SLC25A44: variants seen among roughly 807,000 people sequenced by gnomAD.
SLC25A44 encodes the protein solute carrier family 25 member 44.
Under a neutral mutation model 29.9 loss-of-function variants are expected in SLC25A44, and 17 were observed. The ratio of observed to expected loss-of-function variants is 0.57; its 90% CI spans 0.39 to 0.85. The LOEUF (loss-of-function observed/expected upper bound fraction) is 0.85. SLC25A44 is among the 40% of genes least tolerant of loss of function. The probability of loss-of-function intolerance (pLI) is 0.00; values close to 1 mark genes in which losing one functional copy is unlikely to be tolerated. For missense variants in SLC25A44, 302 were observed against 398.4 expected, an observed-to-expected ratio of 0.76 and a Z score of 2.06; for synonymous variants, 140 against 151.8, an observed-to-expected ratio of 0.92 and a Z score of 0.57.
In SLC25A44 at chr1:156,200,325, G is replaced by A. The variant is rs1320132000; in HGVS notation, c.478G>A (p.Val160Ile). 1 of 1,614,166 alleles carries A rather than the reference G, an allele frequency of 6.2e-7. No individual in the cohort carries two copies. The highest frequency in any genetic ancestry group is 8.5e-7 in the Non-Finnish European group (1 of 1,180,052). The change falls in exon 2 of 4, where the codon GTA becomes ATA. Residue 160 changes from valine to isoleucine, a missense_variant. By Grantham distance (29) the Val-to-Ile change is conservative. Transcript: ENST00000359511. ...QVRGNPEGQG[V>I]VAFGQTKDII... ...GCGGGGGAACCCAGAGGGACAAGGG[G>A]TAGTTGCCTTTGGCCAAACCAAGGA...
chr1:156,194,987 T>C (rs1656113338), intron 1 of SLC25A44, among the ~76,000 whole-genome samples: 1 of 152,226 alleles, frequency 6.6e-6, no homozygotes, highest in Non-Finnish European at 1.5e-5. Flanking sequence ...GTGGACCACC[T>C]TGGGTGGCAA....
At chr1:156,194,580 A>C (rs771603666) in intron 1 of SLC25A44, among the ~76,000 whole-genome samples, 4 of 152,144 alleles carry the variant, frequency 2.6e-5, no homozygotes, top group Admixed American at 6.5e-5. Context: ...TGGAAGACCA[A>C]AGGAAAGCTG....
chr1:156,194,522 A>G (rs571195686), intron 1 of SLC25A44, among the ~76,000 whole-genome samples: 2 of 152,218 alleles, frequency 1.3e-5, no homozygotes, highest in South Asian at 4.2e-4. Flanking sequence ...GAGTATCTTG[A>G]GAGGATTGTC....
intron 1 of SLC25A44, chr1:156,196,109 G>C (rs1029305563): frequency 6.6e-6 from 1 of 152,274 alleles, no homozygotes; most frequent in African/African-American, 2.4e-5. Context: ...GTCTGAGAAA[G>C]AGCCCTAAAG....
rs138686223 is a variant in SLC25A44, at chr1:156,194,146, G to C, written c.-115G>C. The C allele has an allele frequency of 6.5e-6, 1 of 152,976 alleles. No individual in the cohort carries two copies. Among genetic ancestry groups the C allele is most frequent in the Non-Finnish European group, 1.5e-5 (1 of 68,072 alleles). 9.5% of individuals were successfully genotyped at this position (152,976 alleles called of 1,614,324 possible). On this transcript the variant is annotated 5_prime_UTR_variant, in exon 1 of 4. Coordinates refer to ENST00000359511, the MANE Select transcript of SLC25A44 (RefSeq NM_014655.4). ...GAGATGGAGGAAGATGCGACCGGCA[G>C]ACGGCATTCGCTGGGAACGACGGAT...
chr1:156,210,471 C>G lies in SLC25A44; in HGVS notation c.*40C>G, dbSNP rs376027081. The G allele has an allele frequency of 6.8e-7, 1 of 1,473,980 alleles. No individual in the cohort carries two copies. The highest frequency in any genetic ancestry group is 9.2e-7 in the Non-Finnish European group (1 of 1,092,280). The allele number at this position is 1,473,980 out of a possible 1,614,324, so 91.3% of individuals were successfully genotyped here. A position where few individuals can be genotyped will look rare whatever the true frequency, so the allele number is the denominator to read the frequency against. On this transcript the variant is annotated 3_prime_UTR_variant, in exon 4 of 4. Coordinates refer to ENST00000359511, the MANE Select transcript of SLC25A44 (RefSeq NM_014655.4). Reference sequence around the variant, plus strand: ...AGAAGCCTGCTGTTTTCCACACTACCGTGGGTCAGGGGCAGAGTGGAGAGG... The same window carrying G: ...AGAAGCCTGCTGTTTTCCACACTACGGTGGGTCAGGGGCAGAGTGGAGAGG...
Position 156,211,363 on chromosome 1 carries a change from G to C in SLC25A44, c.*932G>C, listed in dbSNP as rs926234168. The C allele has an allele frequency of 1.7e-4, 26 of 152,696 alleles. No homozygotes were observed. The highest frequency in any genetic ancestry group is 6.3e-4 in the African/African-American group (26 of 41,424). 9.5% of individuals were successfully genotyped at this position (152,696 alleles called of 1,614,324 possible). A position where few individuals can be genotyped will look rare whatever the true frequency, so the allele number is the denominator to read the frequency against. Reference sequence around the variant, plus strand: ...TTGGAGCACTACCTTGAGAAGTCAGGTTGAGAAAGTAGTTGATCTAGAAGG... The same window carrying C: ...TTGGAGCACTACCTTGAGAAGTCAGCTTGAGAAAGTAGTTGATCTAGAAGG... On this transcript the variant is annotated 3_prime_UTR_variant, in exon 4 of 4. Transcript: ENST00000359511.
intron 2 of SLC25A44, among the ~76,000 whole-genome samples, chr1:156,205,342 G>A (rs559642616): frequency 9.2e-5 from 14 of 152,014 alleles, no homozygotes; most frequent in Non-Finnish European, 1.3e-4. Context: ...ACGCCTGGCC[G>A]AGGAAAAAAT....
chr1:156,212,705 A>C lies in SLC25A44; in HGVS notation c.*2274A>C, dbSNP rs565300609. On this transcript the variant is annotated 3_prime_UTR_variant, in exon 4 of 4. Coordinates refer to ENST00000359511, the MANE Select transcript of SLC25A44 (RefSeq NM_014655.4). Reference sequence around the variant, plus strand: ...GGCAGACTCTCTGAACGTTTGATGAAATGGACTCTTGTGAAAATTAACAGT... The same window carrying C: ...GGCAGACTCTCTGAACGTTTGATGACATGGACTCTTGTGAAAATTAACAGT... The C allele has an allele frequency of 1.4e-3, 379 of 263,462 alleles. 10 individuals are homozygous for C. The South Asian group carries it at 0.021, about 14-fold the overall frequency. The allele number at this position is 263,462 out of a possible 1,614,324, so 16.3% of individuals were successfully genotyped here. A position where few individuals can be genotyped will look rare whatever the true frequency, so the allele number is the denominator to read the frequency against.
chr1:156,210,208 A>C (rs1657205042), intron 3 of SLC25A44, 32 bp from the exon 4 acceptor site: 1 of 1,479,780 alleles, frequency 6.8e-7, no homozygotes, highest in Non-Finnish European at 9.1e-7. Context: ...CTGACTACAG[A>C]CAATGGCCCT....
At chr1:156,199,776 G>A in intron 1 of SLC25A44, 59 bp from the exon 2 acceptor site, 1 of 1,472,388 alleles carries the variant, frequency 6.8e-7, no homozygotes, top group Non-Finnish European at 9.2e-7. Flanking sequence ...CAGCCAGAAG[G>A]GGAAAGCACA....
In SLC25A44 at chr1:156,210,276, C is replaced by G; in HGVS notation, c.790C>G (p.Gln264Glu). The change falls in exon 4 of 4, where the codon CAG (glutamine) becomes GAG (glutamate). Residue 264 changes from glutamine (Q) to glutamate (E), a missense_variant. Gln to Glu is a conservative substitution (Grantham distance 29, BLOSUM62 2). Coordinates refer to ENST00000359511, the MANE Select transcript of SLC25A44 (RefSeq NM_014655.4). The stretch of plus-strand genomic sequence containing the variant: ...GAACTCCATCATCCTGACCTTCAGA[C>G]AGCTGATGGCAGAAGAAGGGCCTTG... ...GKNSIILTFR[Q>E]LMAEEGPWGL... is the part of the protein sequence containing the mutation. 1.3e-6 allele frequency: 2 copies of G among 1,585,282 alleles called. No homozygotes were observed. The highest frequency in any genetic ancestry group is 1.7e-6 in the Non-Finnish European group (2 of 1,166,600).
chr1:156,207,356 T>G (rs2540182), intron 2 of SLC25A44, among the ~76,000 whole-genome samples: 1 of 151,946 alleles, frequency 6.6e-6, no homozygotes, highest in Non-Finnish European at 1.5e-5. Context: ...TTTCTTTGTA[T>G]TTTTAGTAGA....
At chr1:156,200,522 G>A in intron 2 of SLC25A44, 50 bp downstream of exon 2, 1 of 1,505,796 alleles carries the variant, frequency 6.6e-7, no homozygotes, top group Non-Finnish European at 9.0e-7. Flanking sequence ...TTCTAATGGG[G>A]CTGAGATACT....
intron 1 of SLC25A44, among the ~76,000 whole-genome samples, chr1:156,195,347 C>T (rs1656144673): frequency 6.6e-6 from 1 of 152,072 alleles, no homozygotes; most frequent in African/African-American, 2.4e-5. Context: ...TCGTGGTCCG[C>T]CCGCCTCGGC....
At chr1:156,199,375 A>T (rs1656403846) in intron 1 of SLC25A44, 1 of 168,500 alleles carries the variant, frequency 5.9e-6, no homozygotes, top group Admixed American at 5.6e-5. Flanking sequence ...TGTCCCATTC[A>T]CCTGCTTAAA....
At chr1:156,207,416 T>G (rs982631009) in intron 2 of SLC25A44, among the ~76,000 whole-genome samples, 1 of 152,136 alleles carries the variant, frequency 6.6e-6, no homozygotes, top group Non-Finnish European at 1.5e-5. Context: ...CCTGACCTCA[T>G]GATCTGCCCG....
chr1:156,203,956 G>A (rs772222872), intron 2 of SLC25A44, among the ~76,000 whole-genome samples: 4 of 151,328 alleles, frequency 2.6e-5, no homozygotes, highest in Non-Finnish European at 5.9e-5. Context: ...CGCCCGCCTC[G>A]GCCTCCCGAA....
chr1:156,200,447 G>A lies in SLC25A44; in HGVS notation c.600G>A (p.Trp200Ter). ...LLTYIPNSAVWWPFYHFYAEQ... is the reference protein window; with the variant it reads ...LLTYIPNSAV The stretch of plus-strand genomic sequence containing the variant: ...CCTATATCCCAAACAGTGCTGTCTG[G>A]TGGCCCTTCTATCACTTCTATGCAG... Residue 200 changes from tryptophan (W) to a stop codon, truncating the protein, a stop_gained, in exon 2 of 4, where the codon TGG becomes TGA. Coordinates refer to ENST00000359511, the MANE Select transcript of SLC25A44 (RefSeq NM_014655.4). LOFTEE classifies it high-confidence loss of function. 3 of 1,610,572 alleles carry A rather than the reference G, an allele frequency of 1.9e-6. No homozygotes were observed. The highest frequency in any genetic ancestry group is 2.5e-6 in the Non-Finnish European group (3 of 1,178,162).
Sources: gnomAD v4.1 joint callset for allele counts (sites outside exome capture counted in the v4.1 genomes callset) on GRCh38, gnomAD v4.1.1 for gene constraint, MANE v1.5 for transcripts, NCBI Gene and HGNC (gene_info 2026-07-23, HGNC 2026-07-21) for gene names.